The following C22orf23 variants were observed in gnomAD, a reference collection of about 807,000 sequenced individuals.
C22orf23 encodes the protein chromosome 22 open reading frame 23.
Under a neutral mutation model 29.7 loss-of-function variants are expected in C22orf23, and 30 were observed. The observed-to-expected ratio is 1.01, with a 90% CI of 0.76 to 1.37. The LOEUF is 1.37. Among genes scored for constraint, C22orf23 ranks in the 40% most tolerant of loss-of-function variants. The pLI is 0.00. For synonymous variants in C22orf23, 90 were observed against 96.1 expected (o/e 0.94, Z 0.37); for missense variants, 237 against 273.1 (o/e 0.87, Z 0.93).
At chr22:37,946,074 C>T (rs542415629) in intron 4 of C22orf23, among the ~76,000 whole-genome samples, 10 of 151,826 alleles carry the variant, frequency 6.6e-5, no homozygotes, top group African/African-American at 1.4e-4. Flanking sequence ...CTGGCTAACA[C>T]GGTGAGACCC....
chr22:37,944,790 T>A (rs112866100), intron 5 of C22orf23: 1 of 573,130 alleles, frequency 1.7e-6, no homozygotes, highest in Non-Finnish European at 3.1e-6. Flanking sequence ...TCCCAGCTAC[T>A]CAGGTGGCTG....
At chr22:37,951,731 TATG>T (rs1174643488) in intron 2 of C22orf23, 5 of 343,340 alleles carry the variant, frequency 1.5e-5, no homozygotes, top group East Asian at 1.4e-4. Flanking sequence ...ATATTAGCTG[TATG>T]ATAAGAATTT....
rs1465187868 is a variant in C22orf23 at position 37,945,173 on chromosome 22, C to T, written c.350G>A (p.Arg117Lys). The stretch of plus-strand genomic sequence containing the variant: ...TCTTTGTTTCTCCTTCTCCAAATCC[C>T]CTGTAGGGCCAAAAAGAAATGGCCT... Reference protein sequence around the residue: ...SREQFKPQATRDLEKEKQRLQ... With the variant: ...SREQFKPQATKDLEKEKQRLQ... Residue 117 changes from arginine to lysine, a missense_variant and splice_region_variant, in exon 5 of 7, where the codon AGG (arginine) becomes AAG (lysine). By Grantham distance (26) the Arg-to-Lys change is conservative (BLOSUM62 2). Coordinates refer to ENST00000403305, the MANE Select transcript of C22orf23 (RefSeq NM_032561.5). 4.3e-6 allele frequency: 7 copies of T among 1,609,660 alleles called. No homozygotes were observed. The highest frequency in any genetic ancestry group is 5.9e-6 in the Non-Finnish European group (7 of 1,178,590).
At position 37,953,600 on chromosome 22, in the gene C22orf23, A is replaced by G. The variant is rs1037633303; in HGVS notation, c.-162T>C. The G allele has an allele frequency of 5.6e-5, 37 of 666,516 alleles. No individual in the cohort carries two copies. The highest frequency in any genetic ancestry group is 7.4e-5 in the African/African-American group (4 of 54,268). 41.3% of individuals were successfully genotyped at this position (666,516 alleles called of 1,614,324 possible). ...CTGGCAGCTAGCGCCTCTCGCTACT[A>G]TAGAAACGCGCACACACCAGTCAGC... On this transcript the variant is annotated 5_prime_UTR_variant, in exon 1 of 7. Transcript: ENST00000403305.
At position 37,945,129 on chromosome 22, in the gene C22orf23, T is replaced by C; in HGVS notation, c.394A>G (p.Thr132Ala). The change falls in exon 5 of 7, where the codon ACA becomes GCA. Residue 132 changes from threonine (T) to alanine (A), a missense_variant. Physicochemically the swap from Thr to Ala is moderately conservative, Grantham distance 58 (BLOSUM62 0). Transcript: ENST00000403305. ...EKQRLQNIFATGKDMEERKRK... is the reference protein window; with the variant it reads ...EKQRLQNIFAAGKDMEERKRK... ...TTCCGTTCCTCCATGTCCTTCCCTG[T>C]GGCAAAGATATTTTGGAGTCTTTGT... The C allele has an allele frequency of 1.2e-6, 2 of 1,613,702 alleles. No homozygotes were observed. Among genetic ancestry groups the C allele is most frequent in the South Asian group, 2.2e-5 (2 of 91,058 alleles).
intron 5 of C22orf23, 59 bp downstream of exon 5, chr22:37,944,983 C>T (rs1449725450): frequency 6.5e-7 from 1 of 1,529,202 alleles, no homozygotes; most frequent in Non-Finnish European, 8.8e-7. Flanking sequence ...CCATCCAATT[C>T]TGGGCCCCCT....
chr22:37,945,473 A>AC (rs924587859), intron 4 of C22orf23, among the ~76,000 whole-genome samples: 2 of 143,590 alleles, frequency 1.4e-5, no homozygotes, highest in Non-Finnish European at 3.0e-5. Flanking sequence ...ATGTAGTGAG[A>AC]CCCCCATCTC....
chr22:37,949,761 TC>T, intron 3 of C22orf23, among the ~76,000 whole-genome samples: 1 of 152,092 alleles, frequency 6.6e-6, no homozygotes, highest in African/African-American at 2.4e-5. Flanking sequence ...ACCTGGCTCA[TC>T]CACTGTTTTG....
At chr22:37,946,704 TC>T (rs1930722345) in intron 4 of C22orf23, among the ~76,000 whole-genome samples, 1 of 147,902 alleles carries the variant, frequency 6.8e-6, no homozygotes, top group African/African-American at 2.5e-5. Flanking sequence ...ACATGGTGAA[TC>T]CCCATCTCTA....
At chr22:37,945,290 C>T (rs951044249) in intron 4 of C22orf23, 117 bp from the exon 5 acceptor site, 22 of 1,235,178 alleles carry the variant, frequency 1.8e-5, no homozygotes, top group Middle Eastern at 2.7e-4. Context: ...ACAGGGCTTC[C>T]GTACACCTGC....
chr22:37,944,618 AGGCCG>A, intron 5 of C22orf23, 101 bp from the exon 6 acceptor site: 2 of 1,076,422 alleles, frequency 1.9e-6, no homozygotes, highest in Non-Finnish European at 2.7e-6. Context: ...TAGTGTTTCT[AGGCCG>A]GGCGCGGTGG....
intron 3 of C22orf23, among the ~76,000 whole-genome samples, chr22:37,949,284 GTTT>G (rs1215001658): frequency 2.3e-5 from 3 of 129,350 alleles, no homozygotes; most frequent in Admixed American, 7.8e-5. Flanking sequence ...CCCATCCATT[GTTT>G]TTTTTTTTTT....
chr22:37,945,042 G>A lies in C22orf23; in HGVS notation c.481C>T (p.Leu161=), dbSNP rs1443045334. Residue 161 remains leucine, a splice_region_variant and synonymous_variant, in exon 5 of 7, where the codon CTG becomes TTG. Transcript: ENST00000403305. ...CATGACTGGTCCGTCGGAGTCTTAC[G>A]CTCTTCAAATCGGTCTAGCTCAGGG... The part of the protein sequence containing the change: ...PAPELDRFEE[L]VKEIQERKEF... 4.4e-6 allele frequency: 7 copies of A among 1,602,280 alleles called. No homozygotes were observed. The highest frequency in any genetic ancestry group is 5.1e-6 in the Non-Finnish European group (6 of 1,175,922).
intron 3 of C22orf23, 66 bp from the exon 4 acceptor site, chr22:37,947,529 G>C: frequency 2.4e-6 from 2 of 843,340 alleles, no homozygotes; most frequent in Non-Finnish European, 3.2e-6. Context: ...TTTTTTTTTT[G>C]AGTCTGAGTC....
rs764416313 is a variant in C22orf23, at chr22:37,947,423, G to A, written c.207C>T (p.Ser69=). 3.7e-6 allele frequency: 6 copies of A among 1,611,420 alleles called. No individual in the cohort carries two copies. Among genetic ancestry groups the A allele is most frequent in the Non-Finnish European group, 5.1e-6 (6 of 1,178,700 alleles). ...ALPLQCSPTS[S]QRVLPSKQIA... ...TTTGCTTGGAAGGTAAGACTCTCTG[G>A]CTGGATGTTGGGCTGCACTGTAGGG... Residue 69 remains serine (S), a synonymous_variant, in exon 4 of 7, where the codon AGC becomes AGT. Coordinates refer to ENST00000403305, the MANE Select transcript of C22orf23 (RefSeq NM_032561.5).
chr22:37,944,276 A>G, intron 6 of C22orf23, 30 bp from the exon 7 acceptor site: 3 of 1,614,168 alleles, frequency 1.9e-6, no homozygotes. Context: ...AAGCAGGTGT[A>G]TCAGGGCTAG....
chr22:37,949,284 G>GTTTTTT lies in C22orf23; in HGVS notation c.167-1827_167-1822dup, dbSNP rs1215001658. On this transcript the variant is annotated intron_variant, in intron 3 of 6. Coordinates refer to ENST00000403305, the MANE Select transcript of C22orf23 (RefSeq NM_032561.5). ...CAGCTTAGAGCAGGTCCCATCCATT[G>GTTTTTT]TTTTTTTTTTTTTTTTTGAGACAGA... 2.5e-3 allele frequency among the ~76,000 whole-genome samples: 320 copies of GTTTTTT among 129,322 alleles called. 1 individual carries two copies. The highest frequency in any genetic ancestry group is 8.8e-3 in the African/African-American group (307 of 34,884). 84.8% of individuals were successfully genotyped at this position (129,322 alleles called of 152,430 possible). A position where few individuals can be genotyped will look rare whatever the true frequency, so the allele number is the denominator to read the frequency against.
At chr22:37,946,873 TAAAAAA>T (rs11361013) in intron 4 of C22orf23, among the ~76,000 whole-genome samples, 1 of 115,094 alleles carries the variant, frequency 8.7e-6, no homozygotes, top group Admixed American at 9.1e-5. Flanking sequence ...GCTCTGTCTT[TAAAAAA>T]AAAAAAAAAA....
At chr22:37,948,744 C>T (rs781127272) in intron 3 of C22orf23, among the ~76,000 whole-genome samples, 8 of 152,160 alleles carry the variant, frequency 5.3e-5, no homozygotes, top group Non-Finnish European at 1.0e-4. Context: ...TGGTGGTCTC[C>T]TTCCTTTTTG....
Sources: allele counts gnomAD v4.1 joint callset (sites outside exome capture counted in the v4.1 genomes callset), GRCh38; gene constraint gnomAD v4.1.1; transcripts MANE v1.5; gene names NCBI Gene and HGNC (gene_info 2026-07-23, HGNC 2026-07-21).